ITPR2: variants seen among roughly 807,000 people sequenced by gnomAD.
The protein encoded by ITPR2 is inositol 1,4,5-trisphosphate receptor type 2, also known as inositol 1,4,5-trisphosphate-gated calcium channel ITPR2.
ITPR2 carries 207 observed loss-of-function variants against 317.1 expected under a neutral mutation model. The ratio of observed to expected loss-of-function variants is 0.65; its 90% confidence interval spans 0.58 to 0.73. The LOEUF (loss-of-function observed/expected upper bound fraction) is 0.73. Ranked by LOEUF, ITPR2 falls within the 30% of genes least tolerant of loss-of-function variation. The pLI is 0.00. For missense variants in ITPR2, 2,613 were observed against 3,284.0 expected (o/e 0.80, Z 4.99); for synonymous variants, 1,156 against 1,149.1 (o/e 1.01, Z -0.12).
At position 26,716,507 on chromosome 12, in the gene ITPR2, T is replaced by A. The variant is rs141152474; in HGVS notation, c.526-265A>T. On this transcript the variant is annotated intron_variant, in intron 5 of 56. Coordinates refer to ENST00000381340, the MANE Select transcript of ITPR2 (RefSeq NM_002223.4). ...TTTTCATATTCATCTCCCATTTCAG[T>A]TAGAGCTTCCTTAAAGTCAATAAAT... 6.3e-3 allele frequency among the ~76,000 whole-genome samples: 958 copies of A among 152,214 alleles called. 10 individuals are homozygous for A. Among genetic ancestry groups the A allele is most frequent in the African/African-American group, 0.021 (885 of 41,540 alleles).
chr12:26,561,104 T>C (rs556609895), intron 35 of ITPR2, among the ~76,000 whole-genome samples: 9 of 152,128 alleles, frequency 5.9e-5, no homozygotes, highest in Non-Finnish European at 1.0e-4. Context: ...ATAACTGGTA[T>C]CCTTATAAGA....
At chr12:26,518,128 C>G (rs1943574167) in intron 37 of ITPR2, among the ~76,000 whole-genome samples, 1 of 152,148 alleles carries the variant, frequency 6.6e-6, no homozygotes, top group South Asian at 2.1e-4. Context: ...TTAAACCCAT[C>G]AACAGTGGAA....
intron 47 of ITPR2, among the ~76,000 whole-genome samples, chr12:26,437,778 T>C (rs955373082): frequency 8.5e-5 from 13 of 152,180 alleles, no homozygotes; most frequent in African/African-American, 3.1e-4. Context: ...AGAAAATATA[T>C]GTTTTTTTGT....
At chr12:26,709,306 TA>T (rs1386945251) in intron 9 of ITPR2, among the ~76,000 whole-genome samples, 1 of 152,090 alleles carries the variant, frequency 6.6e-6, no homozygotes, top group African/African-American at 2.4e-5. Context: ...CACTAGACCA[TA>T]AAAAAGATGT....
chr12:26,609,739 T>C (rs1440029592), intron 26 of ITPR2, among the ~76,000 whole-genome samples: 2 of 152,118 alleles, frequency 1.3e-5, no homozygotes, highest in Non-Finnish European at 2.9e-5. Flanking sequence ...CAAATTCTCA[T>C]AGAAAAAGAT....
At chr12:26,493,246 T>C (rs773351520) in intron 39 of ITPR2, among the ~76,000 whole-genome samples, 2 of 152,180 alleles carry the variant, frequency 1.3e-5, no homozygotes, top group Non-Finnish European at 2.9e-5. Flanking sequence ...GCCACTGTGA[T>C]TGGATGTGTT....
chr12:26,602,572 G>T (rs760340842), intron 27 of ITPR2, 45 bp downstream of exon 27: 4 of 1,558,352 alleles, frequency 2.6e-6, no homozygotes, highest in Admixed American at 3.4e-5. Flanking sequence ...AACTTATTTG[G>T]CATGCAAATA....
intron 26 of ITPR2, among the ~76,000 whole-genome samples, chr12:26,613,459 T>C (rs1946315196): frequency 6.6e-6 from 1 of 152,036 alleles, no homozygotes; most frequent in Non-Finnish European, 1.5e-5. Context: ...TGAAAATACA[T>C]AAAATTTTCA....
At chr12:26,571,908 T>C (rs764503754) in intron 34 of ITPR2, among the ~76,000 whole-genome samples, 1 of 152,220 alleles carries the variant, frequency 6.6e-6, no homozygotes, top group Non-Finnish European at 1.5e-5. Flanking sequence ...TTTTTGATGC[T>C]AGATGAGTTG....
chr12:26,524,772 A>C (rs1472805759), intron 37 of ITPR2, among the ~76,000 whole-genome samples: 1 of 152,208 alleles, frequency 6.6e-6, no homozygotes, highest in Non-Finnish European at 1.5e-5. Flanking sequence ...CCAACATTAC[A>C]ATATTATCAA....
intron 2 of ITPR2, among the ~76,000 whole-genome samples, chr12:26,732,625 A>C (rs1949045511): frequency 6.6e-6 from 1 of 152,216 alleles, no homozygotes; most frequent in South Asian, 2.1e-4. Context: ...ACAGAGAAGG[A>C]AACTGAGACT....
At chr12:26,819,911 ACC>A (rs1950913754) in intron 1 of ITPR2, among the ~76,000 whole-genome samples, 1 of 151,940 alleles carries the variant, frequency 6.6e-6, no homozygotes, top group African/African-American at 2.4e-5. Context: ...TACTAAAAAT[ACC>A]CAAAAAAATT....
chr12:26,581,947 G>T (rs950167219), intron 32 of ITPR2, among the ~76,000 whole-genome samples: 3 of 152,110 alleles, frequency 2.0e-5, no homozygotes, highest in African/African-American at 7.2e-5. Flanking sequence ...TGCATCTTCT[G>T]CAACTGGGCA....
At chr12:26,408,042 A>G (rs1351756866) in intron 52 of ITPR2, among the ~76,000 whole-genome samples, 4 of 151,504 alleles carry the variant, frequency 2.6e-5, no homozygotes, top group Admixed American at 2.6e-4. Context: ...CCTCTTAGAA[A>G]GGTCTCTCTG....
intron 2 of ITPR2, among the ~76,000 whole-genome samples, chr12:26,756,486 G>A (rs528949302): frequency 6.6e-6 from 1 of 152,200 alleles, no homozygotes. Flanking sequence ...TTGCTTTACT[G>A]TTGTGTAATG....
intron 55 of ITPR2, among the ~76,000 whole-genome samples, chr12:26,370,817 G>A (rs551101066): frequency 6.6e-6 from 1 of 152,262 alleles, no homozygotes; most frequent in East Asian, 1.9e-4. Context: ...TGGGATTACA[G>A]GCGCCTGCCA....
intron 10 of ITPR2, among the ~76,000 whole-genome samples, chr12:26,694,018 A>T (rs528880612): frequency 6.6e-6 from 1 of 152,106 alleles, no homozygotes; most frequent in African/African-American, 2.4e-5. Flanking sequence ...GTGCTAGAAC[A>T]AGACTCTCTT....
chr12:26,826,160 G>C (rs946993166), intron 1 of ITPR2, among the ~76,000 whole-genome samples: 8 of 152,018 alleles, frequency 5.3e-5, no homozygotes, highest in African/African-American at 1.9e-4. Flanking sequence ...TAGAACTTTG[G>C]GAGGCTGAGG....
intron 55 of ITPR2, among the ~76,000 whole-genome samples, chr12:26,360,308 C>T (rs778207876): frequency 1.3e-5 from 2 of 152,186 alleles, no homozygotes; most frequent in Non-Finnish European, 1.5e-5. Context: ...AGAACCACTT[C>T]GAGAGGGAAG....
Sources: gnomAD v4.1 joint callset for allele counts (sites outside exome capture counted in the v4.1 genomes callset) on GRCh38, gnomAD v4.1.1 for gene constraint, MANE v1.5 for transcripts, NCBI Gene and HGNC (gene_info 2026-07-23, HGNC 2026-07-21) for gene names.